The following SYTL5 variants were observed in gnomAD, a reference collection of about 807,000 sequenced individuals.
The protein encoded by SYTL5 is synaptotagmin-like protein 5.
Under a neutral mutation model 55.9 loss-of-function variants are expected in SYTL5, and 34 were observed. That is an observed-to-expected ratio of 0.61 (90% CI 0.46 to 0.81). SYTL5 has a LOEUF of 0.81. Ranked by LOEUF, SYTL5 falls within the 30% of genes least tolerant of loss-of-function variation. SYTL5 has a pLI of 0.00. For synonymous variants in SYTL5, 221 were observed against 188.7 expected, an observed-to-expected ratio of 1.17 and a Z score of -1.40; for missense variants, 637 against 546.7, an observed-to-expected ratio of 1.17 and a Z score of -1.65.
intron 3 of SYTL5, among the ~76,000 whole-genome samples, chrX:38,055,584 A>G (rs979976235): frequency 8.9e-6 from 1 of 111,807 alleles, no homozygotes; most frequent in African/African-American, 3.3e-5. Flanking sequence ...TTTTTTGCCT[A>G]GTTAACTCAT....
Position 38,041,579 on chromosome X carries a change from A to C in SYTL5, c.119+7571A>C, listed in dbSNP as rs181644190. 3.6e-5 allele frequency among the ~76,000 whole-genome samples: 4 copies of C among 112,474 alleles called. No homozygotes were observed. In the East Asian group the frequency reaches 1.1e-3, roughly 31 times the overall value. On this transcript the variant is annotated intron_variant, in intron 2 of 16. Transcript: ENST00000297875. ...CAAATGCTTAATGAGTCACAGAAAA[A>C]TGAACAAAAATATTCAGATCTGCCT...
At chrX:38,037,817 GAT>G in intron 2 of SYTL5, among the ~76,000 whole-genome samples, 1 of 110,383 alleles carries the variant, frequency 9.1e-6, no homozygotes, top group Non-Finnish European at 1.9e-5. Context: ...TAGATAGATA[GAT>G]AGATAGATAG....
At chrX:37,915,098 T>G in the SYTL5 span, among the ~76,000 whole-genome samples, 3 of 111,952 alleles carry the variant, frequency 2.7e-5, no homozygotes, top group South Asian at 3.8e-4. Context: ...CCTCTTATTT[T>G]ACTGCTGTCT....
chrX:38,004,279 G>C (rs1301417965), upstream of SYTL5, among the ~76,000 whole-genome samples: 1 of 111,600 alleles, frequency 9.0e-6, no homozygotes, highest in Admixed American at 9.6e-5. Flanking sequence ...AAATGTGCTA[G>C]AGAGGTTTCC....
chrX:37,903,067 T>A, the SYTL5 span, among the ~76,000 whole-genome samples: 2 of 111,044 alleles, frequency 1.8e-5, no homozygotes, highest in East Asian at 5.7e-4. Flanking sequence ...CTGGAGAGGA[T>A]GTGGAGAAAT....
intron 1 of SYTL5, among the ~76,000 whole-genome samples, chrX:38,020,757 G>A (rs1934527767): frequency 9.1e-6 from 1 of 109,973 alleles, no homozygotes; most frequent in South Asian, 3.9e-4. Context: ...TAGAAACGAT[G>A]GAGGGGTCTA....
chrX:37,973,786 C>T, the SYTL5 span, among the ~76,000 whole-genome samples: 1 of 110,608 alleles, frequency 9.0e-6, no homozygotes, highest in South Asian at 3.9e-4. Flanking sequence ...AGGCACCCAC[C>T]ACCATGGCTG....
chrX:38,095,496 C>T (rs1243613679), intron 8 of SYTL5, among the ~76,000 whole-genome samples: 1 of 111,895 alleles, frequency 8.9e-6, no homozygotes, highest in Non-Finnish European at 1.9e-5. Flanking sequence ...GCTGTCCTGA[C>T]TTGGTAAGCT....
At chrX:37,985,846 T>C in the SYTL5 span, among the ~76,000 whole-genome samples, 1 of 111,865 alleles carries the variant, frequency 8.9e-6, no homozygotes, top group African/African-American at 3.2e-5. Flanking sequence ...TGGAATCAAA[T>C]TGAGAGTCCA....
the SYTL5 span, among the ~76,000 whole-genome samples, chrX:37,997,505 T>A: frequency 1.9e-4 from 21 of 112,378 alleles, no homozygotes; most frequent in African/African-American, 6.5e-4. Context: ...CAAAGCAAAG[T>A]CAGGGCTGAT....
chrX:37,986,624 G>A, the SYTL5 span, among the ~76,000 whole-genome samples: 14 of 111,057 alleles, frequency 1.3e-4, no homozygotes, highest in African/African-American at 4.6e-4. Context: ...TATGAGGGGT[G>A]GTCTCCTCCC....
chrX:37,890,977 G>A, the SYTL5 span, among the ~76,000 whole-genome samples: 3,332 of 111,370 alleles, frequency 0.03, 116 homozygotes, highest in African/African-American at 0.1. Context: ...TTCAAGACCA[G>A]CTGGGCAACA....
intron 6 of SYTL5, among the ~76,000 whole-genome samples, chrX:38,084,672 A>C (rs755865981): frequency 6.4e-5 from 7 of 108,692 alleles, no homozygotes; most frequent in African/African-American, 2.0e-4. Flanking sequence ...CAGAGGAAAA[A>C]CATACTTAGA....
chrX:37,943,922 C>G, the SYTL5 span, among the ~76,000 whole-genome samples: 2 of 111,254 alleles, frequency 1.8e-5, no homozygotes, highest in African/African-American at 3.3e-5. Context: ...GAGTCCAGAC[C>G]TACCCCTTTA....
chrX:38,059,684 G>C (rs1207718203), intron 3 of SYTL5, among the ~76,000 whole-genome samples: 3 of 110,867 alleles, frequency 2.7e-5, no homozygotes, highest in Non-Finnish European at 3.8e-5. Flanking sequence ...GAGTTTAAAA[G>C]TTTTGGGGTT....
chrX:38,076,456 C>A, intron 5 of SYTL5, 111 bp from the exon 6 acceptor site: 1 of 687,442 alleles, frequency 1.5e-6, no homozygotes, highest in Non-Finnish European at 2.1e-6. Flanking sequence ...CCTAAGGCTG[C>A]TTTATTGAAG....
At chrX:38,084,103 T>C (rs1936612100) in intron 6 of SYTL5, among the ~76,000 whole-genome samples, 1 of 111,303 alleles carries the variant, frequency 9.0e-6, no homozygotes, top group Non-Finnish European at 1.9e-5. Context: ...TTGCTAGGTT[T>C]AGATCATGCA....
the SYTL5 span, among the ~76,000 whole-genome samples, chrX:37,955,216 T>C: frequency 0.014 from 1,546 of 111,928 alleles, 21 homozygotes; most frequent in African/African-American, 0.048. Flanking sequence ...AATTTATTGA[T>C]CAATTTTTTT....
chrX:38,121,769 G>A (rs1389732287), intron 14 of SYTL5, among the ~76,000 whole-genome samples: 1 of 111,993 alleles, frequency 8.9e-6, no homozygotes, highest in Non-Finnish European at 1.9e-5. Context: ...ATGGTGCTCC[G>A]GGAAACTCTT....
Sources: allele counts gnomAD v4.1 joint callset (sites outside exome capture counted in the v4.1 genomes callset), GRCh38; gene constraint gnomAD v4.1.1; transcripts MANE v1.5; gene names NCBI Gene and HGNC (gene_info 2026-07-23, HGNC 2026-07-21).